Variants in CNTNAP2 observed in about 807,000 individuals in gnomAD.
CNTNAP2 encodes contactin-associated protein-like 2.
CNTNAP2 carries 98 observed loss-of-function variants against 155.2 expected under a neutral mutation model. The observed-to-expected ratio is 0.63, with a 90% CI of 0.54 to 0.75. The LOEUF (loss-of-function observed/expected upper bound fraction) is 0.75, where lower values mean the gene tolerates loss of function less well. CNTNAP2 is among the 30% of genes least tolerant of loss of function. The pLI, the probability that CNTNAP2 is intolerant of heterozygous loss-of-function variation, is 0.00. For missense variants in CNTNAP2, 1,727 were observed against 1,688.1 expected (o/e 1.02, Z -0.40); for synonymous variants, 651 against 631.2 (o/e 1.03, Z -0.47).
intron 13 of CNTNAP2, among the ~76,000 whole-genome samples, chr7:147,801,860 G>A (rs1797995472): frequency 6.7e-6 from 1 of 149,172 alleles, no homozygotes; most frequent in South Asian, 2.1e-4. Flanking sequence ...GACGGGGGGG[G>A]CGGCCGGGCA....
chr7:146,649,432 T>C (rs1389795088), intron 1 of CNTNAP2, among the ~76,000 whole-genome samples: 1 of 152,184 alleles, frequency 6.6e-6, no homozygotes, highest in Non-Finnish European at 1.5e-5. Flanking sequence ...TCATGATAAA[T>C]GCTAGAGGAT....
chr7:147,709,390 C>G (rs1270082833), intron 13 of CNTNAP2, among the ~76,000 whole-genome samples: 1 of 152,188 alleles, frequency 6.6e-6, no homozygotes, highest in South Asian at 2.1e-4. Context: ...ATCTCAGCAT[C>G]TGTTTCCCAG....
At chr7:146,886,873 T>A (rs1033975719) in intron 3 of CNTNAP2, among the ~76,000 whole-genome samples, 20 of 151,680 alleles carry the variant, frequency 1.3e-4, no homozygotes, top group African/African-American at 4.8e-4. Flanking sequence ...AAACTCATCA[T>A]TTTCAAGCAA....
chr7:146,278,942 G>C (rs927142122), intron 1 of CNTNAP2, among the ~76,000 whole-genome samples: 1 of 152,102 alleles, frequency 6.6e-6, no homozygotes, highest in Non-Finnish European at 1.5e-5. Flanking sequence ...TAAGAAGTTG[G>C]TAGCCCTCGC....
At chr7:147,489,674 G>C (rs1178974668) in intron 11 of CNTNAP2, among the ~76,000 whole-genome samples, 1 of 152,154 alleles carries the variant, frequency 6.6e-6, no homozygotes, top group Non-Finnish European at 1.5e-5. Context: ...TGAGTGCAGT[G>C]GCATGATCTC....
intron 21 of CNTNAP2, among the ~76,000 whole-genome samples, chr7:148,355,764 AAAGT>A (rs1406525574): frequency 1.3e-5 from 2 of 152,244 alleles, no homozygotes; most frequent in Non-Finnish European, 2.9e-5. Context: ...CTTTGAAAAC[AAAGT>A]AATAGACTGT....
chr7:146,220,588 G>T (rs1799191071), intron 1 of CNTNAP2, among the ~76,000 whole-genome samples: 2 of 152,222 alleles, frequency 1.3e-5, no homozygotes, highest in Admixed American at 6.5e-5. Flanking sequence ...AAAACTTAAT[G>T]AATTGGATTA....
At chr7:147,852,097 C>T (rs1726625900) in intron 13 of CNTNAP2, among the ~76,000 whole-genome samples, 1 of 152,082 alleles carries the variant, frequency 6.6e-6, no homozygotes, top group African/African-American at 2.4e-5. Flanking sequence ...TTGGGAACTC[C>T]AGTGTGAAGA....
chr7:146,639,399 C>G (rs965387827), intron 1 of CNTNAP2, among the ~76,000 whole-genome samples: 3 of 152,174 alleles, frequency 2.0e-5, no homozygotes, highest in Admixed American at 2.0e-4. Flanking sequence ...GCATTCTAAC[C>G]ATTTTACAAG....
chr7:148,049,109 G>A (rs1253464464), intron 15 of CNTNAP2, among the ~76,000 whole-genome samples: 1 of 152,026 alleles, frequency 6.6e-6, no homozygotes, highest in Non-Finnish European at 1.5e-5. Context: ...CAGCTACTCG[G>A]GATCCTGAGG....
intron 11 of CNTNAP2, among the ~76,000 whole-genome samples, chr7:147,501,061 G>C (rs554078278): frequency 1.6e-4 from 25 of 152,182 alleles, no homozygotes; most frequent in African/African-American, 6.0e-4. Flanking sequence ...ATCCCTGGAT[G>C]CAAGGATGGT....
chr7:147,655,093 G>T lies in CNTNAP2; in HGVS notation c.2098+15787G>T, dbSNP rs192728239. On this transcript the variant is annotated intron_variant, in intron 13 of 23. Coordinates refer to ENST00000361727, the MANE Select transcript of CNTNAP2 (RefSeq NM_014141.6). ...CTCCCAAAGTGCTGGGATTACAGAC[G>T]TGAGCTACCATGCCTGGCCCATATT... Among the ~76,000 whole-genome samples, 38 of 151,260 alleles carry T rather than the reference G, an allele frequency of 2.5e-4. 1 individual carries two copies. Among genetic ancestry groups the T allele is most frequent in the Non-Finnish European group, 4.6e-4 (31 of 67,858 alleles).
intron 3 of CNTNAP2, among the ~76,000 whole-genome samples, chr7:147,005,992 C>G (rs1246514595): frequency 6.6e-6 from 1 of 151,852 alleles, no homozygotes; most frequent in East Asian, 1.9e-4. Context: ...TTTTCTTCTA[C>G]TCATCATAGA....
intron 12 of CNTNAP2, among the ~76,000 whole-genome samples, chr7:147,592,974 A>G (rs559629320): frequency 6.6e-6 from 1 of 152,334 alleles, no homozygotes; most frequent in Admixed American, 6.5e-5. Context: ...GATGCGAGGC[A>G]AAGACTTGAA....
At chr7:146,856,601 G>A (rs184294888) in intron 3 of CNTNAP2, among the ~76,000 whole-genome samples, 19 of 152,168 alleles carry the variant, frequency 1.2e-4, no homozygotes, top group Non-Finnish European at 2.8e-4. Flanking sequence ...TAGTTGCAAG[G>A]GAAATGAATA....
intron 1 of CNTNAP2, among the ~76,000 whole-genome samples, chr7:146,683,818 A>G (rs949515804): frequency 6.6e-6 from 1 of 152,240 alleles, no homozygotes; most frequent in East Asian, 1.9e-4. Context: ...TTCAAAGGAC[A>G]GCCTGTTTCA....
At chr7:146,497,745 G>A (rs28392995) in intron 1 of CNTNAP2, among the ~76,000 whole-genome samples, 63,446 of 149,424 alleles carry the variant, frequency 0.42, 14,643 homozygotes, top group African/African-American at 0.62. Flanking sequence ...ATTCTAACAT[G>A]TATCTATGAT....
At chr7:148,006,521 G>C (rs868682757) in intron 15 of CNTNAP2, among the ~76,000 whole-genome samples, 64 of 151,534 alleles carry the variant, frequency 4.2e-4, no homozygotes, top group African/African-American at 1.5e-3. Context: ...ATTTCACCAT[G>C]TTGGCCAGGC....
intron 4 of CNTNAP2, among the ~76,000 whole-genome samples, chr7:147,068,668 A>G (rs768331057): frequency 6.6e-6 from 1 of 152,080 alleles, no homozygotes; most frequent in Non-Finnish European, 1.5e-5. Flanking sequence ...CAAACTCCAT[A>G]ATAAATTTAC....
Sources: gnomAD v4.1 joint callset for allele counts (sites outside exome capture counted in the v4.1 genomes callset) on GRCh38, gnomAD v4.1.1 for gene constraint, MANE v1.5 for transcripts, NCBI Gene and HGNC (gene_info 2026-07-23, HGNC 2026-07-21) for gene names.